The following SLC35F3 variants were observed in gnomAD, a reference collection of about 807,000 sequenced individuals.
SLC35F3 encodes the protein solute carrier family 35 member F3, also known as putative thiamine transporter SLC35F3.
In SLC35F3, 25 loss-of-function variants were observed where a neutral mutation model predicts 49.9. That is an observed-to-expected ratio of 0.50 (90% CI 0.37 to 0.70). The LOEUF is 0.70. Among genes scored for constraint, SLC35F3 ranks in the 30% least tolerant of loss-of-function variants. SLC35F3 has a pLI of 0.00. For missense variants in SLC35F3, 525 were observed against 639.8 expected, an observed-to-expected ratio of 0.82 and a Z score of 1.94; for synonymous variants, 275 against 265.4, an observed-to-expected ratio of 1.04 and a Z score of -0.35.
intron 2 of SLC35F3, among the ~76,000 whole-genome samples, chr1:234,039,855 A>C (rs1018637203): frequency 6.6e-6 from 1 of 152,198 alleles, no homozygotes; most frequent in Non-Finnish European, 1.5e-5. Flanking sequence ...CCAAGGCCCC[A>C]GAAGGCACCG....
intron 3 of SLC35F3, among the ~76,000 whole-genome samples, chr1:234,299,532 G>A (rs562270039): frequency 8.5e-5 from 13 of 152,198 alleles, no homozygotes; most frequent in East Asian, 3.9e-4. Flanking sequence ...CAGGCCAGGC[G>A]TGGTGGCTCA....
intron 3 of SLC35F3, among the ~76,000 whole-genome samples, chr1:234,279,143 G>T (rs1374803761): frequency 6.6e-6 from 1 of 152,152 alleles, no homozygotes; most frequent in Non-Finnish European, 1.5e-5. Flanking sequence ...ATGGCTCCAA[G>T]CAAAGGCAGG....
chr1:233,971,870 A>T (rs1204847776), intron 2 of SLC35F3, among the ~76,000 whole-genome samples: 2 of 152,176 alleles, frequency 1.3e-5, no homozygotes, highest in African/African-American at 4.8e-5. Context: ...TTGACCATCC[A>T]CTTACACCCT....
At chr1:234,134,657 G>T (rs776728424) in intron 2 of SLC35F3, among the ~76,000 whole-genome samples, 7 of 152,018 alleles carry the variant, frequency 4.6e-5, no homozygotes, top group Non-Finnish European at 1.0e-4. Context: ...TGATGCCTAG[G>T]CCCCCACTCA....
At chr1:234,121,133 C>CTTTTTTTTTTTTTTTTTTTT (rs66702949) in intron 2 of SLC35F3, among the ~76,000 whole-genome samples, 1 of 102,794 alleles carries the variant, frequency 9.7e-6, no homozygotes, top group Non-Finnish European at 1.9e-5. Flanking sequence ...TGAAAAATTA[C>CTTTTTTTTTTTTTTTTTTTT]TTTTTTTTTT....
chr1:234,299,653 A>T (rs1050655845), intron 3 of SLC35F3, among the ~76,000 whole-genome samples: 1 of 152,020 alleles, frequency 6.6e-6, no homozygotes, highest in East Asian at 1.9e-4. Flanking sequence ...AAAATACAAA[A>T]AATTAGCCAG....
chr1:233,978,008 T>C (rs1350124815), intron 2 of SLC35F3, among the ~76,000 whole-genome samples: 1 of 152,228 alleles, frequency 6.6e-6, no homozygotes, highest in Non-Finnish European at 1.5e-5. Context: ...GGTTTCCTTC[T>C]AGGCCATACC....
chr1:234,153,976 G>A (rs1385243523), intron 2 of SLC35F3, among the ~76,000 whole-genome samples: 2 of 151,914 alleles, frequency 1.3e-5, no homozygotes, highest in Non-Finnish European at 2.9e-5. Flanking sequence ...GGCAGGAGAA[G>A]GCGTGAACCC....
chr1:234,041,347 G>T (rs1283906855), intron 2 of SLC35F3, among the ~76,000 whole-genome samples: 1 of 152,074 alleles, frequency 6.6e-6, no homozygotes. Context: ...GTACATAGTC[G>T]CTGTGATCTC....
chr1:233,974,387 G>A (rs1663045035), intron 2 of SLC35F3, among the ~76,000 whole-genome samples: 1 of 151,782 alleles, frequency 6.6e-6, no homozygotes, highest in Admixed American at 6.6e-5. Context: ...TCTCCATGTT[G>A]GCCAGGCTGG....
In SLC35F3 at chr1:234,289,264, A is replaced by G. The variant is rs574432583; in HGVS notation, c.609-19837A>G. 6.6e-5 allele frequency among the ~76,000 whole-genome samples: 10 copies of G among 152,350 alleles called. No individual in the cohort carries two copies. In the South Asian group the frequency reaches 2.1e-3, roughly 32 times the overall value. ...AAATTCTGTCCCTGTTCTGCTCCAAATATGATAGGAATGCTGAATAAAATT... is the reference window on the plus strand; with the variant it reads ...AAATTCTGTCCCTGTTCTGCTCCAAGTATGATAGGAATGCTGAATAAAATT... On this transcript the variant is annotated intron_variant, in intron 3 of 7. Coordinates refer to ENST00000366618, the MANE Select transcript of SLC35F3 (RefSeq NM_173508.4).
chr1:233,955,369 A>C, intron 2 of SLC35F3, among the ~76,000 whole-genome samples: 1 of 150,754 alleles, frequency 6.6e-6, no homozygotes. Flanking sequence ...CCTCCCTGCA[A>C]CCCCCAGCGT....
intron 2 of SLC35F3, among the ~76,000 whole-genome samples, chr1:234,106,006 G>T (rs1170810293): frequency 6.6e-6 from 1 of 152,220 alleles, no homozygotes; most frequent in East Asian, 1.9e-4. Context: ...GGGCAGAGCT[G>T]CAGCCAACCC....
chr1:234,135,784 G>A (rs749548904), intron 2 of SLC35F3, among the ~76,000 whole-genome samples: 8 of 152,228 alleles, frequency 5.3e-5, no homozygotes, highest in Non-Finnish European at 8.8e-5. Flanking sequence ...CAGGTGTTCA[G>A]CATAAACCAT....
At chr1:234,194,047 T>C (rs972698202) in intron 2 of SLC35F3, among the ~76,000 whole-genome samples, 2 of 152,078 alleles carry the variant, frequency 1.3e-5, no homozygotes, top group African/African-American at 4.8e-5. Context: ...TTATTTAAAG[T>C]TTAATAGTTA....
chr1:234,232,402 T>C (rs1454565321), intron 3 of SLC35F3, among the ~76,000 whole-genome samples: 1 of 149,452 alleles, frequency 6.7e-6, no homozygotes, highest in Admixed American at 6.7e-5. Flanking sequence ...TCCCCGGGAG[T>C]CACACTGTAG....
chr1:234,232,518 T>C (rs1264761978), intron 3 of SLC35F3, among the ~76,000 whole-genome samples: 5 of 6,734 alleles, frequency 7.4e-4, no homozygotes, highest in African/African-American at 6.1e-3. Context: ...TCAGGCCTAG[T>C]CAAAAAAAAA....
intron 2 of SLC35F3, among the ~76,000 whole-genome samples, chr1:234,206,059 G>A (rs573244803): frequency 6.6e-6 from 1 of 152,254 alleles, no homozygotes; most frequent in South Asian, 2.1e-4. Flanking sequence ...TGAGGGGCAC[G>A]TGGCAGCTGG....
At chr1:234,012,210 A>G (rs933268672) in intron 2 of SLC35F3, among the ~76,000 whole-genome samples, 2 of 152,256 alleles carry the variant, frequency 1.3e-5, no homozygotes, top group South Asian at 4.1e-4. Context: ...ATTGCTGCCA[A>G]CATGTCTCGC....
Sources: gnomAD v4.1 joint callset for allele counts (sites outside exome capture counted in the v4.1 genomes callset) on GRCh38, gnomAD v4.1.1 for gene constraint, MANE v1.5 for transcripts, NCBI Gene and HGNC (gene_info 2026-07-23, HGNC 2026-07-21) for gene names.